NRG3: variants seen among roughly 807,000 people sequenced by gnomAD.
NRG3 encodes the protein pro-neuregulin-3, membrane-bound isoform.
Under a neutral mutation model 66.9 loss-of-function variants are expected in NRG3, and 31 were observed. The observed-to-expected ratio is 0.46, with a 90% CI of 0.35 to 0.63. The LOEUF is 0.63. Ranked by LOEUF, NRG3 falls within the 20% of genes least tolerant of loss-of-function variation. The pLI, the probability that NRG3 is intolerant of heterozygous loss-of-function variation, is 0.00. For synonymous variants in NRG3, 393 were observed against 359.4 expected, an observed-to-expected ratio of 1.09 and a Z score of -1.06; for missense variants, 910 against 878.9, an observed-to-expected ratio of 1.04 and a Z score of -0.45.
rs113289589 is a variant in NRG3 at position 82,458,827 on chromosome 10, C to G, written c.953+99959C>G. Among the ~76,000 whole-genome samples the G allele has an allele frequency of 3.3e-3, 496 of 152,336 alleles. 2 individuals carry two copies. Among genetic ancestry groups the G allele is most frequent in the African/African-American group, 0.011 (472 of 41,578 alleles). ...ACATAAAGCATGCTCACATAGTGTA[C>G]TCACAGGCTCACCTGAGGTAGCATT... On this transcript the variant is annotated intron_variant, in intron 2 of 8. Coordinates refer to ENST00000372141, the MANE Select transcript of NRG3 (RefSeq NM_001010848.4).
intron 1 of NRG3, among the ~76,000 whole-genome samples, chr10:82,123,606 C>T (rs538591911): frequency 6.6e-6 from 1 of 152,258 alleles, no homozygotes; most frequent in South Asian, 2.1e-4. Context: ...AAACAGTCTC[C>T]CTGCAAAGGT....
At position 82,975,567 on chromosome 10, in the gene NRG3, G is replaced by A. The variant is rs1852175350; in HGVS notation, c.1412+1652G>A. 2.6e-5 allele frequency among the ~76,000 whole-genome samples: 4 copies of A among 152,176 alleles called. No individual in the cohort carries two copies. In the South Asian group the frequency reaches 8.3e-4, roughly 32 times the overall value. On this transcript the variant is annotated intron_variant, in intron 7 of 8. Transcript: ENST00000372141. ...ATTGCAGTATCTGTTGGCATACACTGTGTCCTGATAGATGGGCAAGCGTTG... is the reference window on the plus strand; with the variant it reads ...ATTGCAGTATCTGTTGGCATACACTATGTCCTGATAGATGGGCAAGCGTTG...
At chr10:82,539,130 C>G (rs1393321907) in intron 2 of NRG3, among the ~76,000 whole-genome samples, 1 of 152,202 alleles carries the variant, frequency 6.6e-6, no homozygotes, top group Non-Finnish European at 1.5e-5. Context: ...AACTGGACAG[C>G]TCATTGTCTC....
intron 1 of NRG3, among the ~76,000 whole-genome samples, chr10:82,344,500 T>G (rs1266947222): frequency 6.8e-6 from 1 of 147,488 alleles, no homozygotes; most frequent in African/African-American, 2.7e-5. Flanking sequence ...TCTTTGCTAT[T>G]GTGAATAATG....
intron 1 of NRG3, among the ~76,000 whole-genome samples, chr10:81,941,484 G>A (rs940908354): frequency 3.3e-5 from 5 of 152,022 alleles, no homozygotes; most frequent in South Asian, 2.1e-4. Context: ...TACTGTTAGC[G>A]AAAACTGTAA....
intron 1 of NRG3, among the ~76,000 whole-genome samples, chr10:82,254,407 A>G (rs1393905761): frequency 1.3e-5 from 2 of 152,172 alleles, no homozygotes; most frequent in African/African-American, 4.8e-5. Context: ...CAGTGTAATA[A>G]TGGGTGGAAT....
At chr10:82,335,518 A>G (rs569171790) in intron 1 of NRG3, among the ~76,000 whole-genome samples, 3 of 152,298 alleles carry the variant, frequency 2.0e-5, no homozygotes, top group East Asian at 1.9e-4. Context: ...TGGGGGTTCA[A>G]TAAGTTAAGT....
chr10:82,018,627 G>A (rs144821351), intron 1 of NRG3, among the ~76,000 whole-genome samples: 29,032 of 152,048 alleles, frequency 0.19, 2,898 homozygotes, highest in Middle Eastern at 0.22. Flanking sequence ...GTGGTTTGTA[G>A]TTCTCCTTGA....
rs537095105 is a variant in NRG3 at position 82,312,757 on chromosome 10, T to TA, written c.824-45981dup. Reference sequence around the variant, plus strand: ...CTTTAGCAAGAGAGCTTAGATAAATTACAACTCCCTTAGAGCTTTCTTTTT... The same window carrying TA: ...CTTTAGCAAGAGAGCTTAGATAAATTAACAACTCCCTTAGAGCTTTCTTTTT... On this transcript the variant is annotated intron_variant, in intron 1 of 8. Transcript: ENST00000372141. Among the ~76,000 whole-genome samples, 27 of 152,188 alleles carry TA rather than the reference T, an allele frequency of 1.8e-4. No individual in the cohort carries two copies. In the South Asian group the frequency reaches 5.6e-3, roughly 32 times the overall value.
At chr10:81,989,274 A>G (rs1364622900) in intron 1 of NRG3, among the ~76,000 whole-genome samples, 8 of 152,126 alleles carry the variant, frequency 5.3e-5, no homozygotes, top group African/African-American at 9.7e-5. Context: ...TGCTAAGTAT[A>G]CAGTTGGAGA....
chr10:82,748,088 T>A (rs1305623125), intron 3 of NRG3, among the ~76,000 whole-genome samples: 1 of 151,330 alleles, frequency 6.6e-6, no homozygotes, highest in Non-Finnish European at 1.5e-5. Flanking sequence ...TTTGGTGTTG[T>A]CTGTGGACTT....
intron 2 of NRG3, among the ~76,000 whole-genome samples, chr10:82,546,048 C>T (rs771805287): frequency 6.6e-6 from 1 of 152,126 alleles, no homozygotes; most frequent in Non-Finnish European, 1.5e-5. Flanking sequence ...GGATTACAGG[C>T]GTGAGCCACT....
chr10:82,433,159 G>A (rs939857339), intron 2 of NRG3, among the ~76,000 whole-genome samples: 3 of 151,830 alleles, frequency 2.0e-5, no homozygotes, highest in Non-Finnish European at 4.4e-5. Context: ...CGCCATTTTT[G>A]ACTGGTGTGA....
intron 2 of NRG3, among the ~76,000 whole-genome samples, chr10:82,700,654 C>G (rs932337938): frequency 1.1e-4 from 17 of 152,052 alleles, no homozygotes; most frequent in African/African-American, 3.9e-4. Flanking sequence ...TTAAAACCAT[C>G]TGTTTTGTCA....
intron 2 of NRG3, among the ~76,000 whole-genome samples, chr10:82,573,486 CAGA>C (rs2045859293): frequency 6.6e-6 from 1 of 151,774 alleles, no homozygotes; most frequent in African/African-American, 2.4e-5. Context: ...TAAATATTTT[CAGA>C]AGATTTCATT....
At chr10:82,591,421 G>C (rs2046978271) in intron 2 of NRG3, among the ~76,000 whole-genome samples, 1 of 152,116 alleles carries the variant, frequency 6.6e-6, no homozygotes, top group South Asian at 2.1e-4. Flanking sequence ...TAGTTTTAAT[G>C]GCATCTAAAC....
chr10:82,639,974 A>C (rs2050456422), intron 2 of NRG3, among the ~76,000 whole-genome samples: 1 of 151,878 alleles, frequency 6.6e-6, no homozygotes, highest in South Asian at 2.1e-4. Flanking sequence ...CTATGTGTCC[A>C]TGTGTTCTCA....
chr10:82,241,778 A>C (rs1199652221), intron 1 of NRG3, among the ~76,000 whole-genome samples: 1 of 152,174 alleles, frequency 6.6e-6, no homozygotes, highest in African/African-American at 2.4e-5. Context: ...TTTTGGCATT[A>C]AAGAATGACT....
At chr10:82,610,496 A>G (rs2048245137) in intron 2 of NRG3, among the ~76,000 whole-genome samples, 2 of 152,168 alleles carry the variant, frequency 1.3e-5, no homozygotes, top group African/African-American at 4.8e-5. Flanking sequence ...TTCATGAAAC[A>G]ATGACTGGCA....
Sources: allele counts gnomAD v4.1 joint callset (sites outside exome capture counted in the v4.1 genomes callset), GRCh38; gene constraint gnomAD v4.1.1; transcripts MANE v1.5; gene names NCBI Gene and HGNC (gene_info 2026-07-23, HGNC 2026-07-21).